The following SYT13 variants were observed in gnomAD, a reference collection of about 807,000 sequenced individuals.
SYT13 encodes the protein synaptotagmin 13.
In SYT13, 21 loss-of-function variants were observed where a neutral mutation model predicts 38.6. The observed-to-expected ratio is 0.54, with a 90% confidence interval of 0.39 to 0.78. SYT13 has a LOEUF of 0.78. Among genes scored for constraint, SYT13 ranks in the 30% least tolerant of loss-of-function variants. The pLI, the probability that SYT13 is intolerant of heterozygous loss-of-function variation, is 0.00. For missense variants in SYT13, 495 were observed against 548.7 expected, an observed-to-expected ratio of 0.90 and a Z score of 0.98; for synonymous variants, 241 against 237.6, an observed-to-expected ratio of 1.01 and a Z score of -0.13.
intron 1 of SYT13, among the ~76,000 whole-genome samples, chr11:45,275,906 G>A (rs1339583522): frequency 6.6e-6 from 1 of 152,160 alleles, no homozygotes; most frequent in African/African-American, 2.4e-5. Context: ...AGCAGCAGGT[G>A]CAAACTTGCT....
chr11:45,274,729 C>A (rs144084192), intron 1 of SYT13, among the ~76,000 whole-genome samples: 1 of 152,216 alleles, frequency 6.6e-6, no homozygotes, highest in Non-Finnish European at 1.5e-5. Context: ...CAAACACCAT[C>A]TTTTCCAAAA....
At chr11:45,254,522 G>A in intron 2 of SYT13, 118 bp from the exon 3 acceptor site, 1 of 1,435,502 alleles carries the variant, frequency 7.0e-7, no homozygotes, top group South Asian at 1.4e-5. Context: ...TCCCAGCTGT[G>A]TGCAGAATCA....
chr11:45,265,798 C>A (rs1005349041), intron 1 of SYT13, among the ~76,000 whole-genome samples: 2 of 152,048 alleles, frequency 1.3e-5, no homozygotes, highest in African/African-American at 4.8e-5. Context: ...TTCCCTAATT[C>A]CCCCACAACA....
intron 1 of SYT13, among the ~76,000 whole-genome samples, chr11:45,256,434 C>A (rs1353663730): frequency 6.6e-6 from 1 of 152,186 alleles, no homozygotes; most frequent in Non-Finnish European, 1.5e-5. Flanking sequence ...CAGCTTCCAG[C>A]CCCTAACTTT....
At chr11:45,247,141 C>T (rs1854623361) in intron 4 of SYT13, among the ~76,000 whole-genome samples, 2 of 152,230 alleles carry the variant, frequency 1.3e-5, no homozygotes, top group Non-Finnish European at 2.9e-5. Context: ...CAAACAAACA[C>T]ATCTATCCCT....
Position 45,246,475 on chromosome 11 carries a change from A to G in SYT13, c.884T>C (p.Ile295Thr). ...GCGGTTGGCAGCCGGGAGGTAGCTGATGGATAGTAGGACCTCTCCAGCTCC... is the reference window on the plus strand; with the variant it reads ...GCGGTTGGCAGCCGGGAGGTAGCTGGTGGATAGTAGGACCTCTCCAGCTCC... The part of the protein sequence containing the change: ...SAGAGEVLLS[I>T]SYLPAANRLL... The change falls in exon 5 of 6, where the codon ATC (isoleucine) becomes ACC (threonine). Residue 295 changes from isoleucine to threonine, a missense_variant. Transcript: ENST00000020926. 6.2e-7 allele frequency: 1 copy of G among 1,614,134 alleles called. No individual in the cohort carries two copies.
chr11:45,246,596 T>G, intron 4 of SYT13, 84 bp from the exon 5 acceptor site: 5 of 1,528,890 alleles, frequency 3.3e-6, no homozygotes, highest in Non-Finnish European at 4.4e-6. Flanking sequence ...GCTGGAACCA[T>G]GCTGGATTTG....
At chr11:45,284,943 GAC>G (rs577070115) in intron 1 of SYT13, among the ~76,000 whole-genome samples, 39 of 152,328 alleles carry the variant, frequency 2.6e-4, no homozygotes, top group African/African-American at 8.4e-4. Flanking sequence ...TACAGTGACT[GAC>G]ACAGGCCCCA....
chr11:45,256,130 C>T (rs1052845931), intron 1 of SYT13, among the ~76,000 whole-genome samples: 7 of 152,184 alleles, frequency 4.6e-5, no homozygotes, highest in African/African-American at 1.7e-4. Flanking sequence ...ATCGGCCCAT[C>T]CATCCTATGG....
In SYT13 at chr11:45,286,079, G is replaced by A. The variant is rs774248983; in HGVS notation, c.129C>T (p.Asp43=). 6.2e-7 allele frequency: 1 copy of A among 1,609,358 alleles called. No individual in the cohort carries two copies. Among genetic ancestry groups the A allele is most frequent in the Non-Finnish European group, 8.5e-7 (1 of 1,179,366 alleles). ...MHPKKGLLPR[D]QDPDLEKAKP... ...TCGCCTTCTCCAGGTCGGGGTCCTG[G>A]TCCCGCGGCAGCAGCCCCTTCTTGG... The change falls in exon 1 of 6, where the codon GAC becomes GAT. Residue 43 remains aspartate, a synonymous_variant. Transcript: ENST00000020926.
At position 45,250,590 on chromosome 11, in the gene SYT13, A is replaced by G. The variant is rs561684296; in HGVS notation, c.846+1831T>C. On this transcript the variant is annotated intron_variant, in intron 4 of 5. Coordinates refer to ENST00000020926, the MANE Select transcript of SYT13 (RefSeq NM_020826.3). ...GTTTACTAGTTTAATAATCCTAAGT[A>G]TTGATGCCTTCTCCCAGGATCCCCA... is the stretch of plus-strand genomic sequence containing the variant. Among the ~76,000 whole-genome samples, 13 of 152,294 alleles carry G rather than the reference A, an allele frequency of 8.5e-5. No individual in the cohort carries two copies. The South Asian group carries it at 1.7e-3, about 19-fold the overall frequency.
chr11:45,279,434 GA>G (rs1287124893), intron 1 of SYT13, among the ~76,000 whole-genome samples: 1 of 152,004 alleles, frequency 6.6e-6, no homozygotes, highest in Non-Finnish European at 1.5e-5. Flanking sequence ...AAATTTAAAA[GA>G]AATTAGCCAG....
rs144075378 is a variant in SYT13, at chr11:45,243,156, T to C, written c.*896A>G. ...CACAGGAGATCCCACCTGTACTTTG[T>C]TAGGGATGGTCTCCCCAAGGATAAT... is the stretch of plus-strand genomic sequence containing the variant. On this transcript the variant is annotated 3_prime_UTR_variant, in exon 6 of 6. Transcript: ENST00000020926. 1.9e-4 allele frequency: 29 copies of C among 152,310 alleles called. No individual in the cohort carries two copies. In the East Asian group the frequency reaches 5.4e-3, roughly 28 times the overall value. The allele number at this position is 152,310 out of a possible 1,614,324, so 9.4% of individuals were successfully genotyped here.
At chr11:45,255,586 C>T (rs1168821607) in intron 2 of SYT13, 80 bp downstream of exon 2, 9 of 1,400,782 alleles carry the variant, frequency 6.4e-6, no homozygotes, top group Non-Finnish European at 8.8e-6. Context: ...CTCATCAGGC[C>T]ACACACAGCA....
At chr11:45,268,083 C>G (rs1249313015) in intron 1 of SYT13, among the ~76,000 whole-genome samples, 1 of 152,126 alleles carries the variant, frequency 6.6e-6, no homozygotes, top group Non-Finnish European at 1.5e-5. Context: ...TTGATGTGAC[C>G]GACTTGGAGA....
chr11:45,269,328 C>T, intron 1 of SYT13: 6 of 731,538 alleles, frequency 8.2e-6, no homozygotes, highest in Non-Finnish European at 7.3e-6. Context: ...ATTAAAAAAA[C>T]AAACAAAAAA....
chr11:45,248,982 T>G (rs904954581), intron 4 of SYT13, among the ~76,000 whole-genome samples: 1 of 152,208 alleles, frequency 6.6e-6, no homozygotes, highest in Non-Finnish European at 1.5e-5. Flanking sequence ...CTCTCAGGTC[T>G]TAGTGAACCA....
chr11:45,258,057 G>C (rs1468827644), intron 1 of SYT13, among the ~76,000 whole-genome samples: 1 of 152,206 alleles, frequency 6.6e-6, no homozygotes, highest in African/African-American at 2.4e-5. Context: ...AATGTGCCTG[G>C]CACGCATAGG....
chr11:45,279,972 TG>T (rs1388130533), intron 1 of SYT13, among the ~76,000 whole-genome samples: 1 of 152,192 alleles, frequency 6.6e-6, no homozygotes, highest in East Asian at 1.9e-4. Context: ...TCCCCCACCC[TG>T]GGTTTCCCAT....
Sources: gnomAD v4.1 joint callset for allele counts (sites outside exome capture counted in the v4.1 genomes callset) on GRCh38, gnomAD v4.1.1 for gene constraint, MANE v1.5 for transcripts, NCBI Gene and HGNC (gene_info 2026-07-23, HGNC 2026-07-21) for gene names.